Variants in MICAL2 observed in about 807,000 individuals in gnomAD.
MICAL2 encodes the protein microtubule associated monooxygenase, calponin and LIM domain containing 2.
In MICAL2, 77 loss-of-function variants were observed where a neutral mutation model predicts 127.3. That is an observed-to-expected ratio of 0.60 (90% CI 0.50 to 0.73). MICAL2 has a LOEUF of 0.73. MICAL2 is among the 30% of genes least tolerant of loss of function. The pLI, the probability that MICAL2 is intolerant of heterozygous loss-of-function variation, is 0.00. For synonymous variants in MICAL2, 570 were observed against 551.1 expected (o/e 1.03, Z -0.48); for missense variants, 1,351 against 1,434.4 (o/e 0.94, Z 0.94).
chr11:12,152,517 G>A (rs538611709), intron 2 of MICAL2, among the ~76,000 whole-genome samples: 122 of 152,154 alleles, frequency 8.0e-4, no homozygotes, highest in African/African-American at 2.9e-3. Context: ...GTAGGGCGAT[G>A]TATGGTAGGC....
intron 2 of MICAL2, among the ~76,000 whole-genome samples, chr11:12,148,332 A>G (rs928738758): frequency 2.0e-5 from 3 of 152,178 alleles, no homozygotes; most frequent in African/African-American, 7.2e-5. Context: ...GATAAGCCCA[A>G]ATGCCTTTGG....
At position 12,220,394 on chromosome 11, in the gene MICAL2, C is replaced by T. The variant is rs1432839643; in HGVS notation, c.1142C>T (p.Ala381Val). 6.2e-7 allele frequency: 1 copy of T among 1,614,024 alleles called. No homozygotes were observed. Among genetic ancestry groups the T allele is most frequent in the Non-Finnish European group, 8.5e-7 (1 of 1,180,044 alleles). Residue 381 changes from alanine (A) to valine (V), a missense_variant, in exon 9 of 28, where the codon GCC (alanine) becomes GTC (valine). Physicochemically the swap from Ala to Val is moderately conservative, Grantham distance 64. Coordinates refer to ENST00000683283, the MANE Select transcript of MICAL2 (RefSeq NM_001282663.2). ...TGCATGTATGCCTCAGAGAACGCGG[C>T]CCTGGTGCGGGAGCGGCAGGCGCAC... ...FTCMYASENA[A>V]LVRERQAHQL...
chr11:12,220,254 C>A lies in MICAL2; in HGVS notation c.1002C>A (p.Asn334Lys). The A allele has an allele frequency of 6.2e-7, 1 of 1,614,230 alleles. No homozygotes were observed. Among genetic ancestry groups the A allele is most frequent in the Non-Finnish European group, 8.5e-7 (1 of 1,180,034 alleles). Residue 334 changes from asparagine (N) to lysine (K), a missense_variant, in exon 9 of 28, where the codon AAC becomes AAA. Asn to Lys is a moderately conservative substitution (Grantham distance 94, BLOSUM62 0). This residue lies in a region of MICAL2 where 599 missense variants were observed against 714.9 expected (regional missense o/e 0.84). Coordinates refer to ENST00000683283, the MANE Select transcript of MICAL2 (RefSeq NM_001282663.2). ...LLCAENVNQD[N>K]LLSYAREAAD... ...GTGCGGAGAACGTGAACCAAGACAA[C>A]CTGCTATCCTATGCCCGGGAAGCTG...
At chr11:12,343,150 G>A (rs752571118) in intron 32 of MICAL2, among the ~76,000 whole-genome samples, 1 of 152,144 alleles carries the variant, frequency 6.6e-6, no homozygotes, top group Non-Finnish European at 1.5e-5. Flanking sequence ...GCTCACACCT[G>A]TAATCCCAGC....
At chr11:12,336,398 A>G (rs1938761190) in intron 32 of MICAL2, among the ~76,000 whole-genome samples, 3 of 152,232 alleles carry the variant, frequency 2.0e-5, no homozygotes, top group Admixed American at 2.0e-4. Flanking sequence ...GTCATCTGCA[A>G]ACAGGGAAAT....
At chr11:12,122,981 TCC>T (rs1564988622) in intron 1 of MICAL2, among the ~76,000 whole-genome samples, 2 of 152,058 alleles carry the variant, frequency 1.3e-5, no homozygotes, top group Non-Finnish European at 2.9e-5. Flanking sequence ...TCCCAGTTCT[TCC>T]CCTTGGGTGC....
intron 32 of MICAL2, among the ~76,000 whole-genome samples, chr11:12,348,280 T>A (rs1287752830): frequency 6.6e-6 from 1 of 152,238 alleles, no homozygotes; most frequent in Non-Finnish European, 1.5e-5. Flanking sequence ...TTCATTTGTA[T>A]GGATTCAACA....
At chr11:12,189,441 A>C (rs182620942) in intron 3 of MICAL2, among the ~76,000 whole-genome samples, 11 of 152,366 alleles carry the variant, frequency 7.2e-5, no homozygotes. Context: ...ATGAATGCAT[A>C]GATAAATAAA....
At chr11:12,306,251 A>C (rs2134814382) in intron 29 of MICAL2, among the ~76,000 whole-genome samples, 1 of 151,936 alleles carries the variant, frequency 6.6e-6, no homozygotes, top group Admixed American at 6.6e-5. Flanking sequence ...TTCTAACAGT[A>C]TTCATTAGGT....
At chr11:12,199,737 C>T (rs956882218) in intron 3 of MICAL2, among the ~76,000 whole-genome samples, 2 of 152,164 alleles carry the variant, frequency 1.3e-5, no homozygotes, top group African/African-American at 2.4e-5. Flanking sequence ...TGGTCACCAT[C>T]CCCCCATCCT....
At position 12,216,268 on chromosome 11, in the gene MICAL2, T is replaced by C. The variant is rs766118290; in HGVS notation, c.897T>C (p.Phe299=). 4 of 1,614,078 alleles carry C rather than the reference T, an allele frequency of 2.5e-6. No individual in the cohort carries two copies. The highest frequency in any genetic ancestry group is 1.7e-5 in the Admixed American group (1 of 60,016). ...IVYYKDCTHY[F]VMTAKKQSLL... ...ACTACAAGGACTGCACCCACTATTT[T>C]GTAATGACAGCCAAGAAGCAGAGCC... The change falls in exon 8 of 28, where the codon TTT becomes TTC. Residue 299 remains phenylalanine, a synonymous_variant. Transcript: ENST00000683283.
At chr11:12,273,546 T>TG (rs971459172), upstream of MICAL2, among the ~76,000 whole-genome samples, 8 of 42,966 alleles carry the variant, frequency 1.9e-4, no homozygotes, top group African/African-American at 4.6e-4. Context: ...GCAGACATGT[T>TG]TTTTTTTTTT....
At chr11:12,244,806 G>A (rs1485495706) in intron 21 of MICAL2, among the ~76,000 whole-genome samples, 4 of 152,158 alleles carry the variant, frequency 2.6e-5, no homozygotes, top group Non-Finnish European at 5.9e-5. Flanking sequence ...TGAACTTGGG[G>A]ATAAAAGTAT....
At chr11:12,119,635 C>T (rs10160563) in intron 1 of MICAL2, among the ~76,000 whole-genome samples, 4,687 of 152,286 alleles carry the variant, frequency 0.031, 98 homozygotes, top group Non-Finnish European at 0.05. Context: ...GGTTGAGGCC[C>T]GCCCTCATAG....
At chr11:12,260,109 T>C (rs1862893942) in intron 26 of MICAL2, 1 of 1,536,038 alleles carries the variant, frequency 6.5e-7, no homozygotes, top group African/African-American at 1.4e-5. Flanking sequence ...ACAGGGAATC[T>C]GAGGGCTCCC....
intron 2 of MICAL2, among the ~76,000 whole-genome samples, chr11:12,150,734 G>A (rs769237811): frequency 1.3e-5 from 2 of 152,158 alleles, no homozygotes; most frequent in Non-Finnish European, 1.5e-5. Flanking sequence ...AGATACAAAG[G>A]TTCCCCTGGA....
intron 26 of MICAL2, chr11:12,261,787 T>G (rs1377001417): frequency 4.1e-6 from 4 of 985,418 alleles, no homozygotes; most frequent in Non-Finnish European, 3.6e-6. Context: ...CCTCTGTCCT[T>G]GTTGGCACTG....
intron 1 of MICAL2, among the ~76,000 whole-genome samples, chr11:12,127,021 G>A (rs1850980326): frequency 1.3e-5 from 2 of 152,198 alleles, no homozygotes; most frequent in Non-Finnish European, 2.9e-5. Flanking sequence ...CTGCTTTGAA[G>A]GTGGGCAGCG....
intron 26 of MICAL2, chr11:12,261,532 A>G (rs1863109186): frequency 2.4e-5 from 24 of 985,568 alleles, no homozygotes; most frequent in South Asian, 1.4e-4. Flanking sequence ...GAGAAAGGCC[A>G]TCTACGGTGC....
Sources: gnomAD v4.1 joint callset for allele counts (sites outside exome capture counted in the v4.1 genomes callset) on GRCh38, gnomAD v4.1.1 for gene constraint, gnomAD v4.1.1 regional missense constraint, MANE v1.5 for transcripts, NCBI Gene and HGNC (gene_info 2026-07-23, HGNC 2026-07-21) for gene names.